Variants in STIP1 observed in about 807,000 individuals in gnomAD.
STIP1 encodes the protein stress induced phosphoprotein 1, also known as stress-induced-phosphoprotein 1.
Under a neutral mutation model 77.4 loss-of-function variants are expected in STIP1, and 16 were observed. The observed-to-expected ratio is 0.21, with a 90% CI of 0.14 to 0.31. STIP1 has a LOEUF of 0.31. STIP1 is among the 10% of genes least tolerant of loss of function. The pLI, the probability that STIP1 is intolerant of heterozygous loss-of-function variation, is 1.00. For missense variants in STIP1, 524 were observed against 684.8 expected, an observed-to-expected ratio of 0.77 and a Z score of 2.62; for synonymous variants, 258 against 246.6, an observed-to-expected ratio of 1.05 and a Z score of -0.44.
chr11:64,204,276 T>C lies in STIP1; in HGVS notation c.*150T>C. On this transcript the variant is annotated 3_prime_UTR_variant, in exon 14 of 14. Coordinates refer to ENST00000305218, the MANE Select transcript of STIP1 (RefSeq NM_006819.3). ...ACCCCGGGGAAGACACAGAGACTCG[T>C]ACCTGCGCTGTTTGTGCCGCCGCTG... is the stretch of plus-strand genomic sequence containing the variant. The C allele has an allele frequency of 2.6e-6, 2 of 756,006 alleles. No homozygotes were observed. Among genetic ancestry groups the C allele is most frequent in the Non-Finnish European group, 4.2e-6 (2 of 476,870 alleles). The allele number at this position is 756,006 out of a possible 1,614,324, so 46.8% of individuals were successfully genotyped here.
At chr11:64,193,471 T>C (rs1946114740) in intron 2 of STIP1, 184 bp downstream of exon 2, 2 of 616,844 alleles carry the variant, frequency 3.2e-6, no homozygotes, top group Non-Finnish European at 5.7e-6. Context: ...AATACAGGCT[T>C]TATTTTTGGT....
chr11:64,200,113 G>A (rs1946200827), intron 9 of STIP1, 56 bp from the exon 10 acceptor site: 1 of 1,612,160 alleles, frequency 6.2e-7, no homozygotes, highest in East Asian at 2.2e-5. Flanking sequence ...TAAATGGCCG[G>A]CTACACATGG....
intron 8 of STIP1, among the ~76,000 whole-genome samples, chr11:64,199,351 A>T (rs1342892837): frequency 6.7e-6 from 1 of 150,164 alleles, no homozygotes; most frequent in Non-Finnish European, 1.5e-5. Context: ...AAATAAATAA[A>T]AAAAATTAGC....
At chr11:64,200,333 C>A in intron 10 of STIP1, 40 bp downstream of exon 10, 1 of 1,574,568 alleles carries the variant, frequency 6.4e-7, no homozygotes. Context: ...TGAAAGCCTG[C>A]ACATGAGGAG....
intron 1 of STIP1, 131 bp downstream of exon 1, chr11:64,186,401 C>T: frequency 2.2e-6 from 1 of 455,206 alleles, no homozygotes; most frequent in Non-Finnish European, 2.9e-6. Flanking sequence ...GACGGGGCGG[C>T]GGCGGGGAGG....
intron 1 of STIP1, among the ~76,000 whole-genome samples, chr11:64,188,608 C>T (rs1272735913): frequency 6.6e-6 from 1 of 152,156 alleles, no homozygotes; most frequent in Non-Finnish European, 1.5e-5. Flanking sequence ...AATTTCTAGG[C>T]TCAAGCAATC....
At chr11:64,202,186 C>T (rs1227274933) in intron 10 of STIP1, among the ~76,000 whole-genome samples, 1 of 152,104 alleles carries the variant, frequency 6.6e-6, no homozygotes, top group Non-Finnish European at 1.5e-5. Context: ...TTGCCCACTT[C>T]TCCAAAAATA....
Position 64,199,923 on chromosome 11 carries a change from A to C in STIP1, c.1024-17A>C. The C allele has an allele frequency of 1.2e-6, 2 of 1,613,654 alleles. No individual in the cohort carries two copies. Among genetic ancestry groups the C allele is most frequent in the Non-Finnish European group, 1.7e-6 (2 of 1,179,836 alleles). On this transcript the variant is annotated splice_polypyrimidine_tract_variant and intron_variant, in intron 8 of 13. Coordinates refer to ENST00000305218, the MANE Select transcript of STIP1 (RefSeq NM_006819.3). Reference sequence around the variant, plus strand: ...TATGAGCGTTTAAATTATTATTTCAAGAATTATGTTTTGTAGGCAGAGAAA... The same window carrying C: ...TATGAGCGTTTAAATTATTATTTCACGAATTATGTTTTGTAGGCAGAGAAA...
rs1281156532 is a variant in STIP1 at position 64,186,428 on chromosome 11, C to A, written c.9+158C>A. ...GCGGGGAGGTGAGGGCCGCGGGCGG[C>A]GGGCGGGAGCGGGATCTTTAGCGAG... On this transcript the variant is annotated intron_variant, in intron 1 of 13. Coordinates refer to ENST00000305218, the MANE Select transcript of STIP1 (RefSeq NM_006819.3). 5 of 761,596 alleles carry A rather than the reference C, an allele frequency of 6.6e-6. No individual in the cohort carries two copies. The African/African-American group carries it at 7.6e-5, about 12-fold the overall frequency. 47.2% of individuals were successfully genotyped at this position (761,596 alleles called of 1,614,324 possible).
intron 1 of STIP1, among the ~76,000 whole-genome samples, chr11:64,188,625 C>T (rs1296091381): frequency 2.6e-5 from 4 of 152,178 alleles, no homozygotes; most frequent in African/African-American, 9.7e-5. Flanking sequence ...AATCCTCTAG[C>T]CTTGGCCTCC....
At chr11:64,197,814 T>C in intron 7 of STIP1, 40 bp from the exon 8 acceptor site, 1 of 1,598,768 alleles carries the variant, frequency 6.3e-7, no homozygotes, top group South Asian at 1.1e-5. Flanking sequence ...TGACTTTATC[T>C]CTCTGTCCTA....
intron 1 of STIP1, among the ~76,000 whole-genome samples, chr11:64,191,048 G>A (rs971306016): frequency 6.6e-6 from 1 of 152,064 alleles, no homozygotes; most frequent in African/African-American, 2.4e-5. Context: ...TTAGACGGAT[G>A]TGGTAGTGCG....
chr11:64,195,880 G>A, intron 5 of STIP1, 67 bp downstream of exon 5: 2 of 1,598,872 alleles, frequency 1.3e-6, no homozygotes, highest in Non-Finnish European at 1.7e-6. Context: ...TGTTGAATGG[G>A]GACATCTGTT....
chr11:64,202,689 C>T (rs1350457449), intron 10 of STIP1, 187 bp from the exon 11 acceptor site: 2 of 637,492 alleles, frequency 3.1e-6, no homozygotes, highest in African/African-American at 3.6e-5. Context: ...TAACATCAGC[C>T]TCTTGCAGAG....
In STIP1 at chr11:64,200,035, A is replaced by T. The variant is rs769716675; in HGVS notation, c.1119A>T (p.Lys373Asn). ...EKNKGNECFQ[K>N]GDYPQAMKHY... ...ACAAAGGCAACGAGTGTTTTCAGAA[A>T]GGTACTGCCTGCAGCTGGGGGATTG... Residue 373 changes from lysine to asparagine, a missense_variant and splice_region_variant, in exon 9 of 14, where the codon AAA (lysine) becomes AAT (asparagine). Transcript: ENST00000305218. 9.9e-6 allele frequency: 16 copies of T among 1,614,058 alleles called. No individual in the cohort carries two copies. Among genetic ancestry groups the T allele is most frequent in the Middle Eastern group, 1.6e-4 (1 of 6,084 alleles).
chr11:64,195,399 A>G (rs1206828477), intron 4 of STIP1, among the ~76,000 whole-genome samples: 1 of 152,142 alleles, frequency 6.6e-6, no homozygotes, highest in East Asian at 1.9e-4. Context: ...TACAGGTGTG[A>G]GCCACCGTGC....
chr11:64,193,377 TGATA>T (rs1946113979), intron 2 of STIP1, 90 bp downstream of exon 2: 9 of 1,178,340 alleles, frequency 7.6e-6, no homozygotes, highest in Admixed American at 3.9e-5. Context: ...CCTGATACAC[TGATA>T]GTTACCTACC....
chr11:64,200,068 A>G (rs1946199893), intron 9 of STIP1, 32 bp downstream of exon 9: 1 of 1,614,020 alleles, frequency 6.2e-7, no homozygotes, highest in Non-Finnish European at 8.5e-7. Context: ...TTGGGGGAGC[A>G]GTGCTGGGTG....
At position 64,193,211 on chromosome 11, in the gene STIP1, A is replaced by T. The variant is rs1946112306; in HGVS notation, c.143A>T (p.Tyr48Phe). 6.2e-7 allele frequency: 1 copy of T among 1,614,074 alleles called. No homozygotes were observed. The highest frequency in any genetic ancestry group is 1.7e-5 in the Admixed American group (1 of 59,994). ...CTGTACAGCAACCGTTCTGCTGCCT[A>T]TGCCAAGAAAGGAGACTACCAGAAG... ...HVLYSNRSAA[Y>F]AKKGDYQKAY... The change falls in exon 2 of 14, where the codon TAT becomes TTT. Residue 48 changes from tyrosine to phenylalanine, a missense_variant. Physicochemically the swap from Tyr to Phe is conservative, Grantham distance 22 (BLOSUM62 3). Coordinates refer to ENST00000305218, the MANE Select transcript of STIP1 (RefSeq NM_006819.3).
Sources: allele counts gnomAD v4.1 joint callset (sites outside exome capture counted in the v4.1 genomes callset), GRCh38; gene constraint gnomAD v4.1.1; transcripts MANE v1.5; gene names NCBI Gene and HGNC (gene_info 2026-07-23, HGNC 2026-07-21).